The following YJU2 variants were observed in gnomAD, a reference collection of about 807,000 sequenced individuals.
YJU2 encodes the protein YJU2 splicing factor homolog.
YJU2 carries 28 observed loss-of-function variants against 39.6 expected under a neutral mutation model. The observed-to-expected ratio is 0.71, with a 90% CI of 0.52 to 0.97. YJU2 has a LOEUF of 0.97. Among genes scored for constraint, YJU2 ranks in the 50% least tolerant of loss-of-function variants. The pLI, the probability that YJU2 is intolerant of heterozygous loss-of-function variation, is 0.00. For synonymous variants in YJU2, 184 were observed against 182.4 expected, an observed-to-expected ratio of 1.01 and a Z score of -0.07; for missense variants, 328 against 430.4, an observed-to-expected ratio of 0.76 and a Z score of 2.11.
At chr19:4,267,878 C>T (rs1463108418) in intron 7 of YJU2, 104 bp downstream of exon 7, 8 of 1,041,860 alleles carry the variant, frequency 7.7e-6, no homozygotes, top group East Asian at 5.3e-5. Context: ...TGGGTGGGGG[C>T]GGCCTGCGAC....
At position 4,268,570 on chromosome 19, in the gene YJU2, C is replaced by T. The variant is rs762281130; in HGVS notation, c.860-14C>T. ...TGTGGAGCTGAGATGAGCTAACTCTCGCTCTCCCACCAGGAGCCCCGCAGA... is the reference window on the plus strand; with the variant it reads ...TGTGGAGCTGAGATGAGCTAACTCTTGCTCTCCCACCAGGAGCCCCGCAGA... On this transcript the variant is annotated splice_polypyrimidine_tract_variant and intron_variant, in intron 7 of 7. Transcript: ENST00000262962. 10 of 1,585,802 alleles carry T rather than the reference C, an allele frequency of 6.3e-6. No individual in the cohort carries two copies. The African/African-American group carries it at 6.7e-5, about 11-fold the overall frequency.
At chr19:4,251,434 C>A (rs4807551) in intron 3 of YJU2, among the ~76,000 whole-genome samples, 55,837 of 151,982 alleles carry the variant, frequency 0.37, 11,089 homozygotes, top group African/African-American at 0.51. Flanking sequence ...CACACCTGTA[C>A]TCCCAGCACT....
intron 6 of YJU2, among the ~76,000 whole-genome samples, chr19:4,265,282 C>T (rs1971106968): frequency 6.6e-6 from 1 of 152,008 alleles, no homozygotes; most frequent in South Asian, 2.1e-4. Flanking sequence ...AGGTCTTGCT[C>T]TGTCACCCAG....
chr19:4,254,577 C>T, intron 4 of YJU2, 88 bp downstream of exon 4: 1 of 1,442,864 alleles, frequency 6.9e-7, no homozygotes, highest in African/African-American at 1.4e-5. Context: ...TGCCTCAGGT[C>T]CCCAAGGAAG....
At chr19:4,253,572 C>A (rs1970995214) in intron 3 of YJU2, among the ~76,000 whole-genome samples, 1 of 152,046 alleles carries the variant, frequency 6.6e-6, no homozygotes, top group Non-Finnish European at 1.5e-5. Context: ...CAGCACGAGA[C>A]CCTGTCCCCA....
chr19:4,253,825 GA>G (rs1801713959), intron 3 of YJU2, among the ~76,000 whole-genome samples: 1 of 125,672 alleles, frequency 8.0e-6, no homozygotes, highest in Non-Finnish European at 1.6e-5. Context: ...GAACCTTGGA[GA>G]TTTTTTTTTT....
intron 2 of YJU2, among the ~76,000 whole-genome samples, chr19:4,249,699 T>A (rs944706098): frequency 3.4e-5 from 5 of 149,246 alleles, no homozygotes; most frequent in South Asian, 2.1e-4. Flanking sequence ...CCCTCTACTT[T>A]CTTTCTTTCT....
At chr19:4,249,430 G>T (rs1970957806) in intron 2 of YJU2, 102 bp downstream of exon 2, 1 of 706,000 alleles carries the variant, frequency 1.4e-6, no homozygotes. Context: ...CAGATCACTG[G>T]TCTTAGACAT....
At chr19:4,252,938 C>T (rs1568361012) in intron 3 of YJU2, among the ~76,000 whole-genome samples, 1 of 151,918 alleles carries the variant, frequency 6.6e-6, no homozygotes. Context: ...AAAAAACAAA[C>T]AAAAACTTTT....
intron 4 of YJU2, among the ~76,000 whole-genome samples, chr19:4,256,181 AATATAT>A (rs1555725229): frequency 0.019 from 2,368 of 125,840 alleles, 71 homozygotes; most frequent in African/African-American, 0.069. Context: ...AAAAAAAAAA[AATATAT>A]ATATATATAT....
intron 6 of YJU2, among the ~76,000 whole-genome samples, chr19:4,263,312 C>T (rs1971087716): frequency 2.0e-5 from 3 of 152,140 alleles, no homozygotes; most frequent in African/African-American, 7.2e-5. Flanking sequence ...TGCGCTGTGG[C>T]CACAGCTGGC....
chr19:4,249,241 C>T lies in YJU2; in HGVS notation c.38C>T (p.Pro13Leu), dbSNP rs1417139220. 3 of 1,612,558 alleles carry T rather than the reference C, an allele frequency of 1.9e-6. No homozygotes were observed. Among genetic ancestry groups the T allele is most frequent in the Non-Finnish European group, 2.5e-6 (3 of 1,178,922 alleles). ...ERKVLNKYYP[P>L]DFDPSKIPKL... ...CCTCCCCTGCAGAAATACTACCCGC[C>T]GGACTTTGACCCATCAAAGATCCCC... The change falls in exon 2 of 8, where the codon CCG becomes CTG. Residue 13 changes from proline to leucine, a missense_variant. By Grantham distance (98) the Pro-to-Leu change is moderately conservative. This residue lies in a region of YJU2 where 84 missense variants were observed against 165.8 expected (regional missense o/e 0.51). Transcript: ENST00000262962.
At chr19:4,267,831 C>G in intron 7 of YJU2, 57 bp downstream of exon 7, 1 of 1,501,376 alleles carries the variant, frequency 6.7e-7, no homozygotes, top group Non-Finnish European at 9.0e-7. Context: ...CTGTAGGTGG[C>G]AGCAGCTCCC....
At chr19:4,265,799 A>G (rs1971110772) in intron 6 of YJU2, among the ~76,000 whole-genome samples, 1 of 151,296 alleles carries the variant, frequency 6.6e-6, no homozygotes. Flanking sequence ...GGGTTTCACC[A>G]TGTTGACCAG....
At chr19:4,261,222 T>G (rs1279963138) in intron 5 of YJU2, among the ~76,000 whole-genome samples, 1 of 152,154 alleles carries the variant, frequency 6.6e-6, no homozygotes, top group Non-Finnish European at 1.5e-5. Flanking sequence ...AGACATTTTC[T>G]TTGAAGCTAT....
chr19:4,254,829 G>A (rs1971006487), intron 4 of YJU2, among the ~76,000 whole-genome samples: 1 of 151,990 alleles, frequency 6.6e-6, no homozygotes, highest in Admixed American at 6.6e-5. Context: ...AGGCCGAAGT[G>A]GGTGGGTCAC....
intron 5 of YJU2, among the ~76,000 whole-genome samples, chr19:4,261,699 C>T (rs954903727): frequency 6.6e-6 from 1 of 151,892 alleles, no homozygotes; most frequent in African/African-American, 2.4e-5. Context: ...GGCATAGGAA[C>T]ACGCCTGTGG....
chr19:4,263,021 C>T, intron 6 of YJU2, among the ~76,000 whole-genome samples: 1 of 150,666 alleles, frequency 6.6e-6, no homozygotes, highest in African/African-American at 2.5e-5. Context: ...TTGCAGCGAG[C>T]CGAGATCGTG....
At chr19:4,262,341 G>T (rs2144697695) in intron 6 of YJU2, among the ~76,000 whole-genome samples, 1 of 152,256 alleles carries the variant, frequency 6.6e-6, no homozygotes, top group South Asian at 2.1e-4. Flanking sequence ...TGGGACTACA[G>T]GCACGCGCCA....
Sources: allele counts gnomAD v4.1 joint callset (sites outside exome capture counted in the v4.1 genomes callset), GRCh38; gene constraint gnomAD v4.1.1; regional missense constraint gnomAD v4.1.1; transcripts MANE v1.5; gene names NCBI Gene and HGNC (gene_info 2026-07-23, HGNC 2026-07-21).